Variants in ADD2 observed in about 807,000 individuals in gnomAD.
The protein encoded by ADD2 is adducin 2, also known as beta-adducin.
In ADD2, 23 loss-of-function variants were observed where a neutral mutation model predicts 83.0. That is an observed-to-expected ratio of 0.28 (90% confidence interval 0.20 to 0.39). ADD2 has a LOEUF of 0.39. ADD2 is among the 10% of genes least tolerant of loss of function. The probability of loss-of-function intolerance (pLI) is 1.00; values close to 1 mark genes in which losing one functional copy is unlikely to be tolerated. For missense variants in ADD2, 758 were observed against 944.9 expected, an observed-to-expected ratio of 0.80 and a Z score of 2.59; for synonymous variants, 375 against 375.4, an observed-to-expected ratio of 1.00 and a Z score of 0.01.
intron 11 of ADD2, among the ~76,000 whole-genome samples, chr2:70,678,427 G>A (rs1670287186): frequency 6.6e-6 from 1 of 152,124 alleles, no homozygotes; most frequent in Admixed American, 6.5e-5. Context: ...GGAGAAAGAA[G>A]CACAAACCAA....
intron 1 of ADD2, among the ~76,000 whole-genome samples, chr2:70,732,749 G>T (rs1348393959): frequency 6.6e-6 from 1 of 152,210 alleles, no homozygotes; most frequent in Admixed American, 6.5e-5. Flanking sequence ...TGTTTGCCTG[G>T]AGAAGTCAGT....
intron 15 of ADD2, among the ~76,000 whole-genome samples, chr2:70,667,839 A>C (rs1476287011): frequency 6.6e-6 from 1 of 152,058 alleles, no homozygotes; most frequent in African/African-American, 2.4e-5. Flanking sequence ...GGCTGATCTC[A>C]AACTCCGGAC....
In ADD2 at chr2:70,676,478, C is replaced by G; in HGVS notation, c.1593+318G>C. On this transcript the variant is annotated intron_variant, in intron 13 of 15. Transcript: ENST00000264436. This position sits in a 1 kb window ranked among gnomAD's most constrained non-coding sequence, Gnocchi z 4.8. ...TCTCCAGCCCCAAGCCTATGAGTCC[C>G]CACTTCACGGGGTAGTAAGGGAGGA... 1 of 1,312,286 alleles carries G rather than the reference C, an allele frequency of 7.6e-7. No individual in the cohort carries two copies. The highest frequency in any genetic ancestry group is 3.4e-5 in the Admixed American group (1 of 29,606). 81.3% of individuals were successfully genotyped at this position (1,312,286 alleles called of 1,614,324 possible).
chr2:70,702,366 C>T (rs1215470988), intron 4 of ADD2, among the ~76,000 whole-genome samples: 2 of 151,986 alleles, frequency 1.3e-5, no homozygotes, highest in Non-Finnish European at 2.9e-5. Flanking sequence ...AGGGTGTCAC[C>T]ATGTTGGCCG....
intron 1 of ADD2, among the ~76,000 whole-genome samples, chr2:70,734,715 C>T (rs1298353934): frequency 3.3e-5 from 5 of 152,182 alleles, no homozygotes; most frequent in Non-Finnish European, 5.9e-5. Context: ...GGACATGACA[C>T]CCATTCAGGA....
intron 6 of ADD2, among the ~76,000 whole-genome samples, chr2:70,694,323 C>A (rs1458841570): frequency 6.6e-6 from 1 of 152,120 alleles, no homozygotes; most frequent in Non-Finnish European, 1.5e-5. Flanking sequence ...GCTGTAATAA[C>A]CCCACCTAGG....
At chr2:70,665,011 GGT>G (rs1159930105) in intron 15 of ADD2, among the ~76,000 whole-genome samples, 5 of 151,984 alleles carry the variant, frequency 3.3e-5, no homozygotes, top group East Asian at 1.9e-4. Flanking sequence ...ACACCTGTGT[GGT>G]GTGTGTGTGA....
intron 1 of ADD2, among the ~76,000 whole-genome samples, chr2:70,759,608 T>C (rs1313668754): frequency 6.6e-6 from 1 of 151,998 alleles, no homozygotes; most frequent in African/African-American, 2.4e-5. Context: ...TGACAGCTGG[T>C]TGTTAAGAAG....
intron 1 of ADD2, among the ~76,000 whole-genome samples, chr2:70,718,453 T>C (rs911872824): frequency 6.6e-6 from 1 of 152,136 alleles, no homozygotes; most frequent in Non-Finnish European, 1.5e-5. Flanking sequence ...TATGCAGATA[T>C]GTAATTAACT....
rs1553368380 is a variant in ADD2, at chr2:70,676,765, C to T, written c.1593+31G>A. 3.1e-6 allele frequency: 5 copies of T among 1,614,108 alleles called. No homozygotes were observed. The Admixed American group carries it at 5.0e-5, about 16-fold the overall frequency. ...GAAGACCCCGAAGGCAAACACGTTT[C>T]CCCGCCAGTCAGGGGCAGCCTCTGC... On this transcript the variant is annotated intron_variant, in intron 13 of 15. Transcript: ENST00000264436. This position sits in a 1 kb window ranked among gnomAD's most constrained non-coding sequence, Gnocchi z 4.8.
intron 1 of ADD2, among the ~76,000 whole-genome samples, chr2:70,744,486 A>T (rs1349630897): frequency 3.3e-5 from 5 of 152,180 alleles, no homozygotes; most frequent in Admixed American, 3.3e-4. Context: ...GAAGAGGTGG[A>T]AGGCTGAGAT....
intron 1 of ADD2, among the ~76,000 whole-genome samples, chr2:70,725,413 T>A (rs1672937663): frequency 6.6e-6 from 1 of 152,110 alleles, no homozygotes; most frequent in African/African-American, 2.4e-5. Flanking sequence ...CAAAAATATA[T>A]ATATATATAT....
intron 15 of ADD2, among the ~76,000 whole-genome samples, chr2:70,664,019 C>T (rs575969534): frequency 5.1e-4 from 77 of 152,210 alleles, no homozygotes; most frequent in African/African-American, 1.8e-3. Context: ...GCAGGAGGCC[C>T]GGCTGGGGTC....
At chr2:70,717,498 A>C (rs1273117872) in intron 1 of ADD2, among the ~76,000 whole-genome samples, 1 of 152,162 alleles carries the variant, frequency 6.6e-6, no homozygotes, top group Non-Finnish European at 1.5e-5. Context: ...CTCAGCACCC[A>C]GAGCTCAAAG....
intron 15 of ADD2, among the ~76,000 whole-genome samples, chr2:70,665,656 C>A (rs563349176): frequency 2.0e-5 from 3 of 152,182 alleles, no homozygotes; most frequent in Non-Finnish European, 2.9e-5. Context: ...GTGTCCCCAG[C>A]CTTCACTCCA....
At chr2:70,687,988 C>G (rs782248725) in intron 9 of ADD2, 36 bp downstream of exon 9, 7 of 1,558,626 alleles carry the variant, frequency 4.5e-6, no homozygotes, top group Non-Finnish European at 6.2e-6. Context: ...TGTCAGAGCC[C>G]ACTCCTGGGC....
intron 15 of ADD2, among the ~76,000 whole-genome samples, chr2:70,670,478 A>G (rs889787289): frequency 3.3e-5 from 5 of 152,218 alleles, no homozygotes; most frequent in Middle Eastern, 3.2e-3. Context: ...AGCAGAGGAT[A>G]AGGTGAGCTG....
In ADD2 at chr2:70,683,779, A is replaced by G; in HGVS notation, c.949-12T>C. ...GACAGAGCCGACACCTGTAGCAAAG[A>G]GCAGAGAGCCCTCAGCCCATGTGCA... On this transcript the variant is annotated splice_polypyrimidine_tract_variant and intron_variant, in intron 9 of 15. Transcript: ENST00000264436. 6.2e-7 allele frequency: 1 copy of G among 1,603,390 alleles called. No individual in the cohort carries two copies.
intron 4 of ADD2, among the ~76,000 whole-genome samples, chr2:70,700,269 C>T (rs2104361557): frequency 6.6e-6 from 1 of 152,098 alleles, no homozygotes; most frequent in South Asian, 2.1e-4. Context: ...AAACATAATG[C>T]AATAAAATCC....
Sources: allele counts gnomAD v4.1 joint callset (sites outside exome capture counted in the v4.1 genomes callset), GRCh38; gene constraint gnomAD v4.1.1; non-coding constraint Gnocchi (gnomAD v3.1); transcripts MANE v1.5; gene names NCBI Gene and HGNC (gene_info 2026-07-23, HGNC 2026-07-21).